Variants in FBN1 observed in about 807,000 individuals in gnomAD.
The protein encoded by FBN1 is fibrillin 1, also known as fibrillin-1.
Under a neutral mutation model 365.1 loss-of-function variants are expected in FBN1, and 29 were observed. That is an observed-to-expected ratio of 0.08 (90% confidence interval 0.06 to 0.11). FBN1 has a LOEUF of 0.11. FBN1 is among the 10% of genes least tolerant of loss of function. FBN1 has a pLI of 1.00. For synonymous variants in FBN1, 1,210 were observed against 1,270.5 expected, an observed-to-expected ratio of 0.95 and a Z score of 1.01; for missense variants, 2,476 against 3,703.2, an observed-to-expected ratio of 0.67 and a Z score of 8.60.
intron 8 of FBN1, among the ~76,000 whole-genome samples, chr15:48,533,647 G>T (rs2141353035): frequency 6.6e-6 from 1 of 152,208 alleles, no homozygotes; most frequent in Non-Finnish European, 1.5e-5. Context: ...AAATATAAGG[G>T]TTAATAGATC....
intron 60 of FBN1, among the ~76,000 whole-genome samples, chr15:48,425,025 A>C (rs2042968286): frequency 1.3e-5 from 2 of 152,212 alleles, no homozygotes; most frequent in South Asian, 4.1e-4. Context: ...TATAGCTATA[A>C]AGAATAAATA....
chr15:48,489,823 A>G (rs1456775347), intron 25 of FBN1, 28 bp downstream of exon 25: 1 of 1,579,662 alleles, frequency 6.3e-7, no homozygotes, highest in Non-Finnish European at 8.7e-7. Flanking sequence ...AAGGGAGGCA[A>G]TTGGCCATGG....
intron 4 of FBN1, among the ~76,000 whole-genome samples, chr15:48,603,248 G>A (rs2044580687): frequency 6.6e-6 from 1 of 152,196 alleles, no homozygotes; most frequent in Non-Finnish European, 1.5e-5. Context: ...TCAGACTTGT[G>A]AAACAAGAAG....
chr15:48,509,204 G>A (rs939780761), intron 14 of FBN1, among the ~76,000 whole-genome samples: 10 of 152,034 alleles, frequency 6.6e-5, no homozygotes, highest in African/African-American at 1.7e-4. Flanking sequence ...AATAGGGGCA[G>A]GTAAAAAGTG....
At chr15:48,496,324 A>C (rs1429257914) in intron 19 of FBN1, 99 bp from the exon 20 acceptor site, 4 of 1,513,440 alleles carry the variant, frequency 2.6e-6, no homozygotes, top group Non-Finnish European at 3.6e-6. Context: ...TAACGACGTG[A>C]TCAATTCAAG....
chr15:48,469,558 G>A (rs979335749), intron 36 of FBN1, among the ~76,000 whole-genome samples: 9 of 152,054 alleles, frequency 5.9e-5, no homozygotes, highest in Admixed American at 2.0e-4. Context: ...ATAGACAAAC[G>A]GCTTCTGTGA....
Position 48,441,712 on chromosome 15 carries a change from G to C in FBN1, c.6163+9C>G, listed in dbSNP as rs547396976. On this transcript the variant is annotated intron_variant, in intron 50 of 65. Transcript: ENST00000316623. ...GCATTGAAAGCCCAAAGCCTTCAAA[G>C]ACACTTACCTTGGCACCTTCTTCCA... The C allele has an allele frequency of 6.8e-6, 11 of 1,613,302 alleles. No individual in the cohort carries two copies. Among genetic ancestry groups the C allele is most frequent in the South Asian group, 3.3e-5 (3 of 91,064 alleles).
intron 17 of FBN1, among the ~76,000 whole-genome samples, chr15:48,500,501 G>C (rs1307780484): frequency 6.6e-6 from 1 of 152,124 alleles, no homozygotes; most frequent in Non-Finnish European, 1.5e-5. Flanking sequence ...CATTTCACCT[G>C]GTGGCTGTAC....
At chr15:48,498,878 G>A in intron 18 of FBN1, 107 bp downstream of exon 18, 1 of 1,055,336 alleles carries the variant, frequency 9.5e-7, no homozygotes, top group South Asian at 1.3e-5. Context: ...TGGCCAGAGA[G>A]GGAGTCAGGC....
At chr15:48,464,166 G>A (rs767765390) in intron 40 of FBN1, 145 bp from the exon 41 acceptor site, 10 of 771,460 alleles carry the variant, frequency 1.3e-5, no homozygotes, top group Admixed American at 2.1e-5. Flanking sequence ...TCATTCATCC[G>A]TGTCCTCTCT....
intron 6 of FBN1, among the ~76,000 whole-genome samples, chr15:48,539,834 C>G (rs939845616): frequency 6.6e-6 from 1 of 151,630 alleles, no homozygotes; most frequent in African/African-American, 2.4e-5. Context: ...TCTTACTCTA[C>G]TGTTTTTTTA....
At chr15:48,425,911 A>T in intron 58 of FBN1, 47 bp from the exon 59 acceptor site, 1 of 1,460,612 alleles carries the variant, frequency 6.8e-7, no homozygotes, top group East Asian at 2.4e-5. Context: ...TAAAATTGAC[A>T]ACATTAATAT....
At chr15:48,507,566 G>A (rs1350500435) in intron 15 of FBN1, among the ~76,000 whole-genome samples, 1 of 152,172 alleles carries the variant, frequency 6.6e-6, no homozygotes, top group Non-Finnish European at 1.5e-5. Flanking sequence ...AGGGCTTGAA[G>A]TTCTTTTAAG....
intron 12 of FBN1, among the ~76,000 whole-genome samples, chr15:48,514,385 T>G (rs1461881257): frequency 2.0e-5 from 3 of 152,194 alleles, no homozygotes; most frequent in African/African-American, 7.2e-5. Flanking sequence ...CAGCTCTGGA[T>G]GACCTCTAGA....
chr15:48,417,381 C>T (rs2042910113), intron 63 of FBN1, among the ~76,000 whole-genome samples: 1 of 151,048 alleles, frequency 6.6e-6, no homozygotes, highest in Non-Finnish European at 1.5e-5. Flanking sequence ...TCCTTCCCTC[C>T]TACCTTCTTT....
At chr15:48,564,394 T>C (rs2044244965) in intron 6 of FBN1, among the ~76,000 whole-genome samples, 9 of 152,162 alleles carry the variant, frequency 5.9e-5, no homozygotes, top group Admixed American at 5.9e-4. Context: ...ACAAAGCCAA[T>C]GCGGTTTTGT....
chr15:48,505,011 T>C lies in FBN1; in HGVS notation c.1960+14A>G, dbSNP rs564873042. The C allele has an allele frequency of 6.2e-6, 10 of 1,614,066 alleles. No individual in the cohort carries two copies. In the South Asian group the frequency reaches 8.8e-5, roughly 14 times the overall value. On this transcript the variant is annotated intron_variant, in intron 16 of 65. Coordinates refer to ENST00000316623, the MANE Select transcript of FBN1 (RefSeq NM_000138.5). ...TGAACCTCTCTCATAAGGTTAGCCA[T>C]GATGTTTTCTTACCAACACACACAC...
intron 7 of FBN1, among the ~76,000 whole-genome samples, chr15:48,537,051 T>G (rs1337807388): frequency 6.6e-6 from 1 of 151,870 alleles, no homozygotes; most frequent in East Asian, 1.9e-4. Context: ...AAAAACAGAG[T>G]AAGGGCTTCT....
intron 5 of FBN1, among the ~76,000 whole-genome samples, chr15:48,596,597 T>C (rs1051370498): frequency 6.6e-6 from 1 of 152,254 alleles, no homozygotes; most frequent in Non-Finnish European, 1.5e-5. Context: ...TTAATGCTGA[T>C]GGTCTCATTC....
Sources: gnomAD v4.1 joint callset for allele counts (sites outside exome capture counted in the v4.1 genomes callset) on GRCh38, gnomAD v4.1.1 for gene constraint, MANE v1.5 for transcripts, NCBI Gene and HGNC (gene_info 2026-07-23, HGNC 2026-07-21) for gene names.